CACNA1B: variants seen among roughly 807,000 people sequenced by gnomAD.
CACNA1B encodes the protein voltage-dependent N-type calcium channel subunit alpha-1B.
A neutral mutation model predicts 247.2 loss-of-function variants in CACNA1B; 70 were observed. The ratio of observed to expected loss-of-function variants is 0.28; its 90% confidence interval spans 0.23 to 0.35. CACNA1B has a LOEUF of 0.35. Among genes scored for constraint, CACNA1B ranks in the 10% least tolerant of loss-of-function variants. The probability of loss-of-function intolerance (pLI) is 1.00; values close to 1 mark genes in which losing one functional copy is unlikely to be tolerated. For synonymous variants in CACNA1B, 1,231 were observed against 1,294.4 expected (o/e 0.95, Z 1.05); for missense variants, 2,367 against 3,197.4 (o/e 0.74, Z 6.26).
At chr9:138,029,120 A>G (rs1319742694) in intron 20 of CACNA1B, among the ~76,000 whole-genome samples, 1 of 152,228 alleles carries the variant, frequency 6.6e-6, no homozygotes, top group Non-Finnish European at 1.5e-5. Flanking sequence ...TCAGCCAGAA[A>G]AGTCAACAAC....
chr9:137,965,613 AT>A (rs1958066187), intron 10 of CACNA1B, among the ~76,000 whole-genome samples: 1 of 151,920 alleles, frequency 6.6e-6, no homozygotes, highest in South Asian at 2.1e-4. Context: ...TTATTTATTT[AT>A]TTAAGACAGA....
chr9:138,062,229 C>T (rs767870735), intron 31 of CACNA1B, among the ~76,000 whole-genome samples: 83 of 152,286 alleles, frequency 5.5e-4, no homozygotes, highest in Non-Finnish European at 9.0e-4. Context: ...TGACCAGATA[C>T]CCTGCCCAGG....
intron 40 of CACNA1B, 53 bp from the exon 41 acceptor site, chr9:138,114,324 TC>T: frequency 1.1e-6 from 1 of 888,748 alleles, no homozygotes; most frequent in East Asian, 2.6e-5. Context: ...ATACCTTGTT[TC>T]CGTGGATCCT....
intron 3 of CACNA1B, among the ~76,000 whole-genome samples, chr9:137,889,666 C>T (rs1275091976): frequency 6.8e-6 from 1 of 146,342 alleles, no homozygotes; most frequent in African/African-American, 2.4e-5. Flanking sequence ...TGTGACCAAG[C>T]TCTGGTGCCC....
At chr9:138,096,030 G>A (rs569156201) in intron 36 of CACNA1B, among the ~76,000 whole-genome samples, 11 of 152,214 alleles carry the variant, frequency 7.2e-5, no homozygotes, top group Admixed American at 5.9e-4. Context: ...CGAGAGAGAT[G>A]GTTGCACAAT....
chr9:138,013,228 A>G lies in CACNA1B; in HGVS notation c.2260A>G (p.Ile754Val), dbSNP rs769732483. 1 of 1,591,488 alleles carries G rather than the reference A, an allele frequency of 6.3e-7. No homozygotes were observed. Among genetic ancestry groups the G allele is most frequent in the Non-Finnish European group, 8.6e-7 (1 of 1,168,756 alleles). Reference sequence around the variant, plus strand: ...CCCCATGTCTGCCGCGAACATCTCCATCGCCGCGTAAGGCTCCTAGGAGTG... The same window carrying G: ...CCCCATGTCTGCCGCGAACATCTCCGTCGCCGCGTAAGGCTCCTAGGAGTG... ...VSPMSAANIS[I>V]AARQQNSAKA... Residue 754 changes from isoleucine (I) to valine (V), a missense_variant, in exon 18 of 47, where the codon ATC becomes GTC. Around this residue, in one of 12 missense-constraint regions of CACNA1B, gnomAD observed 631 missense variants for 631.1 expected, o/e 1.00. Coordinates refer to ENST00000371372, the MANE Select transcript of CACNA1B (RefSeq NM_000718.4).
chr9:137,901,778 C>T (rs1957243371), intron 3 of CACNA1B, among the ~76,000 whole-genome samples: 1 of 151,344 alleles, frequency 6.6e-6, no homozygotes, highest in Non-Finnish European at 1.5e-5. Context: ...CAACCTCAAC[C>T]TCCAGGGTTC....
Position 137,974,991 on chromosome 9 carries a change from GGACTCCTGGCT to G in CACNA1B, c.1544-915_1544-905del, listed in dbSNP as rs1304997325. 6.6e-6 allele frequency among the ~76,000 whole-genome samples: 1 copy of G among 152,218 alleles called. No individual in the cohort carries two copies. The highest frequency in any genetic ancestry group is 1.5e-5 in the Non-Finnish European group (1 of 68,032). ...GACAGTGGCCTCACCCTGACGCCTA[GGACTCCTGGCT>G]CAGCCAGCGGCTGGGCCTCGCTGGG... On this transcript the variant is annotated intron_variant, in intron 11 of 46. Transcript: ENST00000371372. This position sits in a 1 kb window ranked among gnomAD's most constrained non-coding sequence, Gnocchi z 4.5.
chr9:137,966,192 G>A (rs1958073288), intron 10 of CACNA1B, among the ~76,000 whole-genome samples: 1 of 149,208 alleles, frequency 6.7e-6, no homozygotes, highest in Non-Finnish European at 1.5e-5. Context: ...AAGTGTTCTT[G>A]TAAATTGTAT....
chr9:138,073,679 C>A lies in CACNA1B; in HGVS notation c.4791+75C>A. 2 of 881,840 alleles carry A rather than the reference C, an allele frequency of 2.3e-6. No homozygotes were observed. Among genetic ancestry groups the A allele is most frequent in the Admixed American group, 1.8e-5 (1 of 56,344 alleles). 54.6% of individuals were successfully genotyped at this position (881,840 alleles called of 1,614,324 possible). ...GCTTCCCCTGCCCCCACCACAGTGG[C>A]CCCTCCTTTGGGAGGCTGGGAGAGG... On this transcript the variant is annotated intron_variant, in intron 33 of 46. Transcript: ENST00000371372. This position sits in a 1 kb window ranked among gnomAD's most constrained non-coding sequence, Gnocchi z 6.4.
rs1439511301 is a variant in CACNA1B at position 138,023,808 on chromosome 9, C to T, written c.3065C>T (p.Pro1022Leu). ...DKEKELRNHQPREPHCDLETS... is the reference protein window; with the variant it reads ...DKEKELRNHQLREPHCDLETS... ...GAAAAGGAGCTCCGGAACCACCAGC[C>T]CCGGTGAGTCCGCGGCTGGGCGGGG... The change falls in exon 19 of 47, where the codon CCC becomes CTC. Residue 1022 changes from proline (P) to leucine (L), a missense_variant. Transcript: ENST00000371372. 6 of 1,352,086 alleles carry T rather than the reference C, an allele frequency of 4.4e-6. No individual in the cohort carries two copies. Among genetic ancestry groups the T allele is most frequent in the Non-Finnish European group, 5.2e-6 (5 of 967,112 alleles). The allele number at this position is 1,352,086 out of a possible 1,614,324, so 83.8% of individuals were successfully genotyped here.
At chr9:138,049,675 T>C (rs1589095575) in intron 24 of CACNA1B, among the ~76,000 whole-genome samples, 1 of 152,098 alleles carries the variant, frequency 6.6e-6, no homozygotes, top group Non-Finnish European at 1.5e-5. Context: ...CCTCCCAGGG[T>C]CCTTGGAGGC....
intron 12 of CACNA1B, among the ~76,000 whole-genome samples, chr9:137,979,975 G>A (rs990529067): frequency 2.6e-5 from 4 of 152,242 alleles, no homozygotes; most frequent in African/African-American, 9.6e-5. Flanking sequence ...ATGCGGGAAA[G>A]TCTGGGATTC....
chr9:137,880,020 A>G lies in CACNA1B; in HGVS notation c.390+861A>G, dbSNP rs1486495380. Among the ~76,000 whole-genome samples the G allele has an allele frequency of 6.6e-6, 1 of 152,230 alleles. No homozygotes were observed. The highest frequency in any genetic ancestry group is 1.5e-5 in the Non-Finnish European group (1 of 68,040). On this transcript the variant is annotated intron_variant, in intron 2 of 46. Coordinates refer to ENST00000371372, the MANE Select transcript of CACNA1B (RefSeq NM_000718.4). This position sits in a 1 kb window ranked among gnomAD's most constrained non-coding sequence, Gnocchi z 4.8. Reference sequence around the variant, plus strand: ...AGGGGGTGCGGGGCCAGAGGCGTCCAGGAGACGGCCTCTCTGGGGTGTCAG... The same window carrying G: ...AGGGGGTGCGGGGCCAGAGGCGTCCGGGAGACGGCCTCTCTGGGGTGTCAG...
chr9:138,003,886 C>T (rs923517978), intron 15 of CACNA1B, among the ~76,000 whole-genome samples: 8 of 149,434 alleles, frequency 5.4e-5, no homozygotes, highest in East Asian at 2.0e-4. Context: ...CCTCCCAAAG[C>T]GCTAGGACTA....
intron 1 of CACNA1B, 78 bp from the exon 2 acceptor site, chr9:137,878,976 G>A (rs943366327): frequency 3.4e-6 from 3 of 870,240 alleles, no homozygotes; most frequent in African/African-American, 3.3e-5. Flanking sequence ...AGCGGTGGCT[G>A]CTGCACTGGG....
chr9:137,978,142 G>C (rs1958246420), intron 12 of CACNA1B, among the ~76,000 whole-genome samples: 1 of 144,666 alleles, frequency 6.9e-6, no homozygotes, highest in African/African-American at 2.6e-5. Context: ...AGGAGTGAAG[G>C]GTGGGAGCAC....
intron 16 of CACNA1B, among the ~76,000 whole-genome samples, chr9:138,009,278 G>A (rs7035939): frequency 0.29 from 43,897 of 152,168 alleles, 8,978 homozygotes; most frequent in East Asian, 0.64. Flanking sequence ...GGTCCTGGGA[G>A]GTCAGTTGAG....
chr9:137,917,363 A>G lies in CACNA1B; in HGVS notation c.898A>G (p.Ile300Val), dbSNP rs749739800. ...PNFGITNFDN[I>V]LFAILTVFQC... The stretch of plus-strand genomic sequence containing the variant: ...CTTTGGCATCACCAACTTTGACAAT[A>G]TCCTGTTTGCCATCTTGACGGTGTT... Residue 300 changes from isoleucine (I) to valine (V), a missense_variant, in exon 6 of 47, where the codon ATC (isoleucine) becomes GTC (valine). Ile to Val is a conservative substitution (Grantham distance 29). Around this residue, in one of 12 missense-constraint regions of CACNA1B, gnomAD observed 130 missense variants for 338.7 expected, o/e 0.38. Transcript: ENST00000371372. The surrounding 1 kb of genome is among the most constrained non-coding windows in gnomAD (Gnocchi z 5.5). 7 of 1,613,868 alleles carry G rather than the reference A, an allele frequency of 4.3e-6. No individual in the cohort carries two copies. Among genetic ancestry groups the G allele is most frequent in the Non-Finnish European group, 5.9e-6 (7 of 1,179,876 alleles).
Sources: gnomAD v4.1 joint callset for allele counts (sites outside exome capture counted in the v4.1 genomes callset) on GRCh38, gnomAD v4.1.1 for gene constraint, gnomAD v4.1.1 regional missense constraint, Gnocchi (gnomAD v3.1) non-coding constraint, MANE v1.5 for transcripts, NCBI Gene and HGNC (gene_info 2026-07-23, HGNC 2026-07-21) for gene names.